Variants in NUDCD2 observed in about 807,000 individuals in gnomAD.
The protein encoded by NUDCD2 is nudC domain-containing protein 2.
Under a neutral mutation model 20.8 loss-of-function variants are expected in NUDCD2, and 16 were observed. The ratio of observed to expected loss-of-function variants is 0.77; its 90% CI spans 0.52 to 1.17. The LOEUF (loss-of-function observed/expected upper bound fraction) is 1.17, where lower values mean the gene tolerates loss of function less well. Among genes scored for constraint, NUDCD2 ranks in the 50% most tolerant of loss-of-function variants. The pLI is 0.00. For missense variants in NUDCD2, 199 were observed against 193.9 expected, an observed-to-expected ratio of 1.03 and a Z score of -0.16; for synonymous variants, 87 against 72.8, an observed-to-expected ratio of 1.20 and a Z score of -1.00.
rs1041230741 is a variant in NUDCD2, at chr5:163,449,875, C to G, written c.*4092G>C. The G allele has an allele frequency of 1.3e-5, 2 of 152,136 alleles. No individual in the cohort carries two copies. Among genetic ancestry groups the G allele is most frequent in the African/African-American group, 4.8e-5 (2 of 41,418 alleles). 9.4% of individuals were successfully genotyped at this position (152,136 alleles called of 1,614,324 possible). A position where few individuals can be genotyped will look rare whatever the true frequency, so the allele number is the denominator to read the frequency against. On this transcript the variant is annotated 3_prime_UTR_variant, in exon 4 of 4. Transcript: ENST00000302764. The stretch of plus-strand genomic sequence containing the variant: ...ATCCATATGCAAAAAAATAAACCTA[C>G]CTAAATTTCACAGCTTATACAAAAA...
In NUDCD2 at chr5:163,453,895, A is replaced by G; in HGVS notation, c.*72T>C. 1.3e-6 allele frequency: 1 copy of G among 756,186 alleles called. No homozygotes were observed. Among genetic ancestry groups the G allele is most frequent in the Non-Finnish European group, 2.1e-6 (1 of 486,370 alleles). 46.8% of individuals were successfully genotyped at this position (756,186 alleles called of 1,614,324 possible). ...CTGTAGGCATCCGCATTTTTCTTCC[A>G]TTACATAATCTGTTTATCTGATTAA... On this transcript the variant is annotated 3_prime_UTR_variant, in exon 4 of 4. Coordinates refer to ENST00000302764, the MANE Select transcript of NUDCD2 (RefSeq NM_145266.6).
chr5:163,459,116 T>C (rs576269736), intron 1 of NUDCD2: 2 of 152,294 alleles, frequency 1.3e-5, no homozygotes, highest in East Asian at 3.9e-4. Context: ...CACTGAACAA[T>C]CTCTCGCCCA....
intron 2 of NUDCD2, 151 bp downstream of exon 2, chr5:163,457,411 C>T (rs530662792): frequency 2.3e-5 from 14 of 602,496 alleles, no homozygotes; most frequent in Non-Finnish European, 3.9e-5. Context: ...TTTCTCCCCC[C>T]ACTAGGTAAC....
At chr5:163,458,749 C>T (rs1758389112) in intron 1 of NUDCD2, among the ~76,000 whole-genome samples, 1 of 152,144 alleles carries the variant, frequency 6.6e-6, no homozygotes, top group Admixed American at 6.5e-5. Flanking sequence ...CTGGTCTATA[C>T]GTACATCAGA....
intron 1 of NUDCD2, among the ~76,000 whole-genome samples, chr5:163,458,007 G>A (rs1445284792): frequency 3.4e-4 from 5 of 14,850 alleles, no homozygotes; most frequent in Non-Finnish European, 7.7e-4. Context: ...TTTTTTTTTT[G>A]AGACAGAGTT....
intron 1 of NUDCD2, 77 bp from the exon 2 acceptor site, chr5:163,457,687 C>T: frequency 1.1e-6 from 1 of 905,468 alleles, no homozygotes; most frequent in Non-Finnish European, 1.8e-6. Context: ...GATTTACCTA[C>T]TTTCCTACCT....
Position 163,457,569 on chromosome 5 carries a change from C to G in NUDCD2, c.231G>C (p.Trp77Cys), listed in dbSNP as rs1758355236. ...FDSTIADEGT[W>C]TLEDRKMVRI... ...TATAGTAATTACCCTTACCCAAAGT[C>G]CATGTTCCCTCATCAGCTATTGTAG... is the stretch of plus-strand genomic sequence containing the variant. Residue 77 changes from tryptophan (W) to cysteine (C), a missense_variant, in exon 2 of 4, where the codon TGG becomes TGC. Trp to Cys is a radical substitution (Grantham distance 215). Coordinates refer to ENST00000302764, the MANE Select transcript of NUDCD2 (RefSeq NM_145266.6). 6.4e-7 allele frequency: 1 copy of G among 1,573,316 alleles called. No individual in the cohort carries two copies. The highest frequency in any genetic ancestry group is 8.7e-7 in the Non-Finnish European group (1 of 1,143,394).
chr5:163,459,744 C>A, intron 1 of NUDCD2, 118 bp downstream of exon 1: 3 of 865,842 alleles, frequency 3.5e-6, no homozygotes, highest in Non-Finnish European at 5.3e-6. Flanking sequence ...TCAGTGTTAT[C>A]CTCTTTCTCT....
In NUDCD2 at chr5:163,447,081, T is replaced by C. The variant is rs1758055027; in HGVS notation, c.*6886A>G. 6.6e-6 allele frequency: 1 copy of C among 152,144 alleles called. No homozygotes were observed. The highest frequency in any genetic ancestry group is 2.4e-5 in the African/African-American group (1 of 41,424). The allele number at this position is 152,144 out of a possible 1,614,324, so 9.4% of individuals were successfully genotyped here. On this transcript the variant is annotated 3_prime_UTR_variant, in exon 4 of 4. Coordinates refer to ENST00000302764, the MANE Select transcript of NUDCD2 (RefSeq NM_145266.6). ...AACAACCAAAATTGCCAAGGATAAT[T>C]AGGGACATTATATAATGATAAAATT...
intron 1 of NUDCD2, among the ~76,000 whole-genome samples, chr5:163,458,047 G>A (rs573722729): frequency 5.5e-4 from 66 of 119,804 alleles, no homozygotes; most frequent in East Asian, 4.8e-3. Flanking sequence ...GCAGTGGCAC[G>A]ATCTGGCTCA....
rs576383191 is a variant in NUDCD2 at position 163,457,034 on chromosome 5, ATC to A, written c.283_284del (p.Asp95CysfsTer12). 5.0e-6 allele frequency: 8 copies of A among 1,613,326 alleles called. No individual in the cohort carries two copies. Among genetic ancestry groups the A allele is most frequent in the African/African-American group, 1.3e-5 (1 of 74,808 alleles). ...GTAGAGAAGTCCAACAATTTGCTGC[ATC>A]TCTCTTTGTCTTTGTAAGAACAATA... ...VRIVLTKTKR[D>X]AANCWTSLLE... On this transcript the variant is annotated frameshift_variant, in exon 3 of 4. Transcript: ENST00000302764. LOFTEE classifies it high-confidence loss of function.
At position 163,449,321 on chromosome 5, in the gene NUDCD2, ACAAAAAT is replaced by A. The variant is rs1758118926; in HGVS notation, c.*4639_*4645del. 1 of 152,252 alleles carries A rather than the reference ACAAAAAT, an allele frequency of 6.6e-6. No individual in the cohort carries two copies. Among genetic ancestry groups the A allele is most frequent in the South Asian group, 2.1e-4 (1 of 4,832 alleles). 9.4% of individuals were successfully genotyped at this position (152,252 alleles called of 1,614,324 possible). On this transcript the variant is annotated 3_prime_UTR_variant, in exon 4 of 4. Coordinates refer to ENST00000302764, the MANE Select transcript of NUDCD2 (RefSeq NM_145266.6). The stretch of plus-strand genomic sequence containing the variant: ...AGGTCACAGGATACAAGGTCAACAA[ACAAAAAT>A]CAAACACATTTGTACATACTAGCGA...
At position 163,453,321 on chromosome 5, in the gene NUDCD2, T is replaced by G. The variant is rs989621532; in HGVS notation, c.*646A>C. 1.3e-5 allele frequency: 2 copies of G among 152,230 alleles called. No homozygotes were observed. The highest frequency in any genetic ancestry group is 4.8e-5 in the African/African-American group (2 of 41,464). 9.4% of individuals were successfully genotyped at this position (152,230 alleles called of 1,614,324 possible). On this transcript the variant is annotated 3_prime_UTR_variant, in exon 4 of 4. Transcript: ENST00000302764. ...TACAATTAGTGACCTTACTTTGCTT[T>G]CTGCCACAAAGGACTCACCTAATTA...
In NUDCD2 at chr5:163,457,584, A is replaced by G. The variant is rs1758355584; in HGVS notation, c.216T>C (p.Ala72=). 4 of 1,581,764 alleles carry G rather than the reference A, an allele frequency of 2.5e-6. No individual in the cohort carries two copies. Among genetic ancestry groups the G allele is most frequent in the Non-Finnish European group, 2.6e-6 (3 of 1,151,116 alleles). ...LKGKLFDSTI[A]DEGTWTLEDR... ...TACCCAAAGTCCATGTTCCCTCATC[A>G]GCTATTGTAGAATCAAAGAGTTTGC... Residue 72 remains alanine, a synonymous_variant, in exon 2 of 4, where the codon GCT becomes GCC. Transcript: ENST00000302764.
Position 163,457,068 on chromosome 5 carries a change from AT to A in NUDCD2, c.250del (p.Met84TrpfsTer21). ...TGTCTTTGTAAGAACAATACGAACCATTTTTCTGTCCTCTAAAAAAAAAACA... is the reference window on the plus strand; with the variant it reads ...TGTCTTTGTAAGAACAATACGAACCATTTTCTGTCCTCTAAAAAAAAAACA... ...EGTWTLEDRK[M>X]VRIVLTKTKR... is the part of the protein sequence containing the mutation. On this transcript the variant is annotated frameshift_variant, in exon 3 of 4. Coordinates refer to ENST00000302764, the MANE Select transcript of NUDCD2 (RefSeq NM_145266.6). LOFTEE classifies it high-confidence loss of function. The A allele has an allele frequency of 6.3e-7, 1 of 1,597,566 alleles. No individual in the cohort carries two copies.
In NUDCD2 at chr5:163,448,203, A is replaced by G. The variant is rs1371800897; in HGVS notation, c.*5764T>C. On this transcript the variant is annotated 3_prime_UTR_variant, in exon 4 of 4. Transcript: ENST00000302764. The stretch of plus-strand genomic sequence containing the variant: ...AACCTAAAGCAAGCAGAAAGAAGAA[A>G]AAAAAAAAAGAGGCAGAAAATAAAT... 4.0e-5 allele frequency: 6 copies of G among 151,562 alleles called. No homozygotes were observed. The highest frequency in any genetic ancestry group is 4.8e-5 in the African/African-American group (2 of 41,248). 9.4% of individuals were successfully genotyped at this position (151,562 alleles called of 1,614,324 possible).
rs765424670 is a variant in NUDCD2, at chr5:163,460,099, G to C, written c.-49C>G. ...CCGCACCAGGCGGAGCCGAGCGCAC[G>C]CGCGGAATCCCACGCTTAGGCTACG... On this transcript the variant is annotated 5_prime_UTR_variant, in exon 1 of 4. Transcript: ENST00000302764. 17 of 1,485,604 alleles carry C rather than the reference G, an allele frequency of 1.1e-5. No homozygotes were observed. The highest frequency in any genetic ancestry group is 1.5e-5 in the Non-Finnish European group (17 of 1,113,844). 92.0% of individuals were successfully genotyped at this position (1,485,604 alleles called of 1,614,324 possible). A position where few individuals can be genotyped will look rare whatever the true frequency, so the allele number is the denominator to read the frequency against.
rs887739002 is a variant in NUDCD2 at position 163,447,383 on chromosome 5, T to G, written c.*6584A>C. On this transcript the variant is annotated 3_prime_UTR_variant, in exon 4 of 4. Transcript: ENST00000302764. ...GGAAGACTGTCTGAGCCCAGGAGTT[T>G]GAGGCTGCAGTGAAGCATGACAGAG... The G allele has an allele frequency of 2.7e-5, 4 of 150,430 alleles. No homozygotes were observed. In the Admixed American group the frequency reaches 2.7e-4, roughly 10 times the overall value. The allele number at this position is 150,430 out of a possible 1,614,324, so 9.3% of individuals were successfully genotyped here. A position where few individuals can be genotyped will look rare whatever the true frequency, so the allele number is the denominator to read the frequency against.
chr5:163,457,188 G>A (rs1758341622), intron 2 of NUDCD2, 108 bp from the exon 3 acceptor site: 1 of 1,192,108 alleles, frequency 8.4e-7, no homozygotes, highest in Non-Finnish European at 1.1e-6. Flanking sequence ...CTGGAGTGCA[G>A]CGGCTTGATC....
Sources: gnomAD v4.1 joint callset for allele counts (sites outside exome capture counted in the v4.1 genomes callset) on GRCh38, gnomAD v4.1.1 for gene constraint, MANE v1.5 for transcripts, NCBI Gene and HGNC (gene_info 2026-07-23, HGNC 2026-07-21) for gene names.